Variants in SEMA4B observed in about 807,000 individuals in gnomAD.
SEMA4B encodes semaphorin-4B.
A neutral mutation model predicts 88.1 loss-of-function variants in SEMA4B; 55 were observed. The observed-to-expected ratio is 0.62, with a 90% CI of 0.50 to 0.78. The LOEUF (loss-of-function observed/expected upper bound fraction) is 0.78, where lower values mean the gene tolerates loss of function less well. SEMA4B is among the 30% of genes least tolerant of loss of function. SEMA4B has a pLI of 0.00. For missense variants in SEMA4B, 1,062 were observed against 1,111.9 expected (o/e 0.96, Z 0.64); for synonymous variants, 525 against 473.6 (o/e 1.11, Z -1.41).
rs1256733777 is a variant in SEMA4B at position 90,225,834 on chromosome 15, A to C, written c.1688+7A>C. ...AGCCTCAGCTGGCCACCAGGTGAGC[A>C]CTCCCAAAGGCCCCTTCCCATCTGT... On this transcript the variant is annotated splice_region_variant and intron_variant, in intron 12 of 13. Coordinates refer to ENST00000411539, the MANE Select transcript of SEMA4B (RefSeq NM_198925.4). The C allele has an allele frequency of 5.3e-6, 8 of 1,511,770 alleles. No homozygotes were observed. In the African/African-American group the frequency reaches 9.7e-5, roughly 18 times the overall value. 93.6% of individuals were successfully genotyped at this position (1,511,770 alleles called of 1,614,324 possible).
intron 1 of SEMA4B, among the ~76,000 whole-genome samples, chr15:90,188,669 G>A (rs532748828): frequency 3.9e-4 from 59 of 151,924 alleles, no homozygotes; most frequent in Non-Finnish European, 6.8e-4. Context: ...ATCAGGATAC[G>A]TATTGTCTTT....
rs757387596 is a variant in SEMA4B at position 90,212,976 on chromosome 15, G to A, written c.158-4463G>A. Reference sequence around the variant, plus strand: ...CCCTTCTGCCAGCTCTCACCGGGCCGGATTTTCCTGCGGGGCTTTTGGATT... The same window carrying A: ...CCCTTCTGCCAGCTCTCACCGGGCCAGATTTTCCTGCGGGGCTTTTGGATT... On this transcript the variant is annotated intron_variant, in intron 1 of 13. Coordinates refer to ENST00000411539, the MANE Select transcript of SEMA4B (RefSeq NM_198925.4). The surrounding 1 kb of genome is among the most constrained non-coding windows in gnomAD (Gnocchi z 4.0). Among the ~76,000 whole-genome samples the A allele has an allele frequency of 1.3e-5, 2 of 152,194 alleles. No individual in the cohort carries two copies. Among genetic ancestry groups the A allele is most frequent in the South Asian group, 2.1e-4 (1 of 4,832 alleles).
chr15:90,210,883 G>C (rs1961234867), intron 1 of SEMA4B, among the ~76,000 whole-genome samples: 1 of 152,200 alleles, frequency 6.6e-6, no homozygotes, highest in African/African-American at 2.4e-5. Flanking sequence ...GGCATGGGGT[G>C]GCTGTTCTCT....
intron 1 of SEMA4B, among the ~76,000 whole-genome samples, chr15:90,215,898 C>A (rs1333231034): frequency 6.6e-6 from 1 of 152,074 alleles, no homozygotes; most frequent in Admixed American, 6.6e-5. Flanking sequence ...AAAGCAAAAA[C>A]GTCTGTCCTC....
intron 1 of SEMA4B, chr15:90,206,923 C>G (rs1200289874): frequency 1.5e-6 from 1 of 660,112 alleles, no homozygotes; most frequent in Non-Finnish European, 2.8e-6. Flanking sequence ...CAAGGAGTCT[C>G]AGGCCAAGCA....
chr15:90,211,483 T>C (rs1048556233), intron 1 of SEMA4B, among the ~76,000 whole-genome samples: 7 of 152,136 alleles, frequency 4.6e-5, no homozygotes, highest in Non-Finnish European at 1.0e-4. Context: ...ACTCTGGCAC[T>C]GGGCTGGTGT....
chr15:90,220,428 C>T (rs1436133548), intron 4 of SEMA4B, among the ~76,000 whole-genome samples: 2 of 137,544 alleles, frequency 1.5e-5, no homozygotes, highest in South Asian at 2.3e-4. Context: ...AGTGCAGTGG[C>T]ACGATCTCGG....
At chr15:90,202,094 G>A (rs1186073423) in intron 1 of SEMA4B, among the ~76,000 whole-genome samples, 2 of 152,250 alleles carry the variant, frequency 1.3e-5, no homozygotes, top group African/African-American at 4.8e-5. Context: ...GCGGCTCGGG[G>A]TAGAGGGAGG....
At chr15:90,188,590 T>C (rs565920691) in intron 1 of SEMA4B, among the ~76,000 whole-genome samples, 1 of 151,096 alleles carries the variant, frequency 6.6e-6, no homozygotes, top group African/African-American at 2.4e-5. Flanking sequence ...ATCGCACCAC[T>C]GCACTCCAGC....
At chr15:90,213,384 G>T (rs895510322) in intron 1 of SEMA4B, among the ~76,000 whole-genome samples, 12 of 152,248 alleles carry the variant, frequency 7.9e-5, no homozygotes, top group Admixed American at 4.6e-4. Flanking sequence ...GGAAAGCCTG[G>T]TTAAGGGGCC....
At position 90,220,192 on chromosome 15, in the gene SEMA4B, C is replaced by G. The variant is rs1377225127; in HGVS notation, c.483+301C>G. ...TTCCAGCATCTCTCCCTCTCCTTTG[C>G]TTGATTCTCTTGTCTTATCTTGTAC... On this transcript the variant is annotated intron_variant, in intron 4 of 13. Coordinates refer to ENST00000411539, the MANE Select transcript of SEMA4B (RefSeq NM_198925.4). 2.1e-5 allele frequency: 7 copies of G among 340,192 alleles called. No individual in the cohort carries two copies. The Admixed American group carries it at 3.2e-4, about 16-fold the overall frequency. The allele number at this position is 340,192 out of a possible 1,614,324, so 21.1% of individuals were successfully genotyped here. A position where few individuals can be genotyped will look rare whatever the true frequency, so the allele number is the denominator to read the frequency against.
chr15:90,223,530 AAGCCC>A (rs749784582), intron 7 of SEMA4B, 24 bp from the exon 8 acceptor site: 1 of 1,541,088 alleles, frequency 6.5e-7, no homozygotes, highest in South Asian at 1.2e-5. Context: ...GCATGTGCCT[AAGCCC>A]AGCCCATCCG....
In SEMA4B at chr15:90,220,965, T is replaced by C; in HGVS notation, c.484-17T>C. On this transcript the variant is annotated splice_polypyrimidine_tract_variant and intron_variant, in intron 4 of 13. Coordinates refer to ENST00000411539, the MANE Select transcript of SEMA4B (RefSeq NM_198925.4). ...TCCCTGGAGTGCCCCTGAGCCCATG[T>C]GTCCACCCTCCTGCAGAACATGGAG... is the stretch of plus-strand genomic sequence containing the variant. 1 of 1,555,920 alleles carries C rather than the reference T, an allele frequency of 6.4e-7. No homozygotes were observed. The highest frequency in any genetic ancestry group is 8.8e-7 in the Non-Finnish European group (1 of 1,137,766).
At chr15:90,204,948 G>C (rs1596131457) in intron 1 of SEMA4B, among the ~76,000 whole-genome samples, 1 of 152,206 alleles carries the variant, frequency 6.6e-6, no homozygotes, top group Non-Finnish European at 1.5e-5. Flanking sequence ...GCTAATTTTT[G>C]TATTTTTGTA....
chr15:90,216,558 C>G (rs1044012631), intron 1 of SEMA4B, among the ~76,000 whole-genome samples: 3 of 152,174 alleles, frequency 2.0e-5, no homozygotes, highest in Non-Finnish European at 2.9e-5. Flanking sequence ...AAAACACTCC[C>G]ATTCTGTGTA....
At chr15:90,214,069 C>T (rs754143349) in intron 1 of SEMA4B, among the ~76,000 whole-genome samples, 20 of 152,254 alleles carry the variant, frequency 1.3e-4, no homozygotes, top group Admixed American at 2.6e-4. Context: ...CGGCTGGGCG[C>T]GGTGGCTCAG....
chr15:90,188,004 CAAAA>C (rs61167091), intron 1 of SEMA4B, among the ~76,000 whole-genome samples: 3 of 124,528 alleles, frequency 2.4e-5, no homozygotes, highest in Non-Finnish European at 5.4e-5. Context: ...GACTCCATCT[CAAAA>C]AAAAAAAAAA....
rs1450898805 is a variant in SEMA4B, at chr15:90,221,077, C to T, written c.579C>T (p.Ser193=). The T allele has an allele frequency of 5.0e-6, 8 of 1,606,590 alleles. No individual in the cohort carries two copies. In the Middle Eastern group the frequency reaches 5.0e-4, roughly 100 times the overall value. ...GRCPFDPNFK[S]TALVVDGELY... The stretch of plus-strand genomic sequence containing the variant: ...GTCCCTTCGACCCGAATTTCAAGTC[C>T]ACTGCCCTGGTGGTTGGTGAGTGTT... Residue 193 remains serine, a synonymous_variant, in exon 5 of 14, where the codon TCC becomes TCT. Transcript: ENST00000411539.
At chr15:90,210,065 G>T (rs926510371) in intron 1 of SEMA4B, among the ~76,000 whole-genome samples, 1 of 152,232 alleles carries the variant, frequency 6.6e-6, no homozygotes, top group Non-Finnish European at 1.5e-5. Flanking sequence ...AGAGGATGGT[G>T]CCAGGCTCAG....
Sources: allele counts gnomAD v4.1 joint callset (sites outside exome capture counted in the v4.1 genomes callset), GRCh38; gene constraint gnomAD v4.1.1; non-coding constraint Gnocchi (gnomAD v3.1); transcripts MANE v1.5; gene names NCBI Gene and HGNC (gene_info 2026-07-23, HGNC 2026-07-21).